The following PURA variants were observed in gnomAD, a reference collection of about 807,000 sequenced individuals.
PURA encodes the protein transcriptional activator protein Pur-alpha.
PURA carries 2 observed loss-of-function variants against 23.1 expected under a neutral mutation model. The ratio of observed to expected loss-of-function variants is 0.09; its 90% CI spans 0.04 to 0.27. PURA has a LOEUF of 0.27. PURA is among the 10% of genes least tolerant of loss of function. The pLI is 1.00. For synonymous variants in PURA, 254 were observed against 205.9 expected, an observed-to-expected ratio of 1.23 and a Z score of -2.00; for missense variants, 187 against 449.7, an observed-to-expected ratio of 0.42 and a Z score of 5.28.
Position 140,115,422 on chromosome 5 carries a change from A to C in PURA, c.*272A>C, listed in dbSNP as rs1938990144. ...CTGCTAAAAACAAAAAAAATACAAA[A>C]AGTAATAACATTATATGAACTGTGT... On this transcript the variant is annotated 3_prime_UTR_variant, in exon 1 of 1. Coordinates refer to ENST00000331327, the MANE Select transcript of PURA (RefSeq NM_005859.5). This position sits in a 1 kb window ranked among gnomAD's most constrained non-coding sequence, Gnocchi z 4.1. The C allele has an allele frequency of 7.7e-6, 2 of 258,566 alleles. No homozygotes were observed. Among genetic ancestry groups the C allele is most frequent in the Non-Finnish European group, 7.8e-6 (1 of 128,498 alleles). The allele number at this position is 258,566 out of a possible 1,614,324, so 16.0% of individuals were successfully genotyped here. A position where few individuals can be genotyped will look rare whatever the true frequency, so the allele number is the denominator to read the frequency against.
At position 140,114,724 on chromosome 5, in the gene PURA, C is replaced by A. The variant is rs555886273; in HGVS notation, c.543C>A (p.Gly181=). 6 of 1,612,812 alleles carry A rather than the reference C, an allele frequency of 3.7e-6. No homozygotes were observed. Among genetic ancestry groups the A allele is most frequent in the Non-Finnish European group, 4.2e-6 (5 of 1,179,688 alleles). The stretch of plus-strand genomic sequence containing the variant: ...CGGTCAACCGGGGGCCTGGCCTGGG[C>A]TCCACGCAGGGCCAGACCATTGCGC... ...RQTVNRGPGL[G]STQGQTIALP... The change falls in exon 1 of 1, where the codon GGC becomes GGA. Residue 181 remains glycine, a synonymous_variant. Coordinates refer to ENST00000331327, the MANE Select transcript of PURA (RefSeq NM_005859.5).
In PURA at chr5:140,116,430, A is replaced by G. The variant is rs180729389; in HGVS notation, c.*1280A>G. 1 of 167,226 alleles carries G rather than the reference A, an allele frequency of 6.0e-6. No individual in the cohort carries two copies. Among genetic ancestry groups the G allele is most frequent in the African/African-American group, 2.4e-5 (1 of 41,574 alleles). The allele number at this position is 167,226 out of a possible 1,614,324, so 10.4% of individuals were successfully genotyped here. Reference sequence around the variant, plus strand: ...TGGTGTATGTAAAGGATTTCCATGTAGCTGTGGTGCTAGTTATTACTGGCT... The same window carrying G: ...TGGTGTATGTAAAGGATTTCCATGTGGCTGTGGTGCTAGTTATTACTGGCT... On this transcript the variant is annotated 3_prime_UTR_variant, in exon 1 of 1. Coordinates refer to ENST00000331327, the MANE Select transcript of PURA (RefSeq NM_005859.5).
rs1226696697 is a variant in PURA, at chr5:140,119,619, G to A, written c.*4469G>A. 2 of 166,718 alleles carry A rather than the reference G, an allele frequency of 1.2e-5. No individual in the cohort carries two copies. The highest frequency in any genetic ancestry group is 4.8e-5 in the African/African-American group (2 of 41,412). The allele number at this position is 166,718 out of a possible 1,614,324, so 10.3% of individuals were successfully genotyped here. A position where few individuals can be genotyped will look rare whatever the true frequency, so the allele number is the denominator to read the frequency against. ...TTTGATATATTTTAAAAGATACTAT[G>A]TCAACTTTTTTCTTCCTATTTTCTT... On this transcript the variant is annotated 3_prime_UTR_variant, in exon 1 of 1. Transcript: ENST00000331327.
rs889600577 is a variant in PURA, at chr5:140,124,550, A to G, written c.*9400A>G. On this transcript the variant is annotated 3_prime_UTR_variant, in exon 1 of 1. Coordinates refer to ENST00000331327, the MANE Select transcript of PURA (RefSeq NM_005859.5). ...TTATGGCTTTGTTTTTACTTTGGGT[A>G]GAAGTTTAACTTCCATTGTTCAGAT... 3 of 167,064 alleles carry G rather than the reference A, an allele frequency of 1.8e-5. No individual in the cohort carries two copies. Among genetic ancestry groups the G allele is most frequent in the African/African-American group, 7.2e-5 (3 of 41,450 alleles). 10.3% of individuals were successfully genotyped at this position (167,064 alleles called of 1,614,324 possible). A position where few individuals can be genotyped will look rare whatever the true frequency, so the allele number is the denominator to read the frequency against.
In PURA at chr5:140,119,734, AAC is replaced by A. The variant is rs1202705960; in HGVS notation, c.*4588_*4589del. 1.8e-5 allele frequency: 3 copies of A among 166,692 alleles called. No individual in the cohort carries two copies. The highest frequency in any genetic ancestry group is 7.2e-5 in the African/African-American group (3 of 41,382). The allele number at this position is 166,692 out of a possible 1,614,324, so 10.3% of individuals were successfully genotyped here. A position where few individuals can be genotyped will look rare whatever the true frequency, so the allele number is the denominator to read the frequency against. ...GTTTTGGCCCTGTTCAAACTTTCTA[AAC>A]ACATTTTTCTTTTATGACATTTTGG... On this transcript the variant is annotated 3_prime_UTR_variant, in exon 1 of 1. Coordinates refer to ENST00000331327, the MANE Select transcript of PURA (RefSeq NM_005859.5).
rs1443961599 is a variant in PURA at position 140,115,202 on chromosome 5, C to G, written c.*52C>G. The G allele has an allele frequency of 2.0e-6, 2 of 992,650 alleles. No individual in the cohort carries two copies. Among genetic ancestry groups the G allele is most frequent in the South Asian group, 1.9e-5 (1 of 53,700 alleles). 61.5% of individuals were successfully genotyped at this position (992,650 alleles called of 1,614,324 possible). ...ACACACATGCATACACACACACACA[C>G]AGCCACACACACAGAAAATATACTG... On this transcript the variant is annotated 3_prime_UTR_variant, in exon 1 of 1. Transcript: ENST00000331327. The surrounding 1 kb of genome is among the most constrained non-coding windows in gnomAD (Gnocchi z 4.1).
rs756120970 is a variant in PURA, at chr5:140,114,547, G to A, written c.366G>A (p.Ala122=). Residue 122 remains alanine, a synonymous_variant, in exon 1 of 1, where the codon GCG becomes GCA. Transcript: ENST00000331327. ...DYLGDFIEHY[A]QLGPSQPPDL... ...TGGGCGACTTCATCGAGCACTACGC[G>A]CAGCTGGGCCCCAGCCAGCCGCCGG... The A allele has an allele frequency of 1.9e-6, 3 of 1,602,702 alleles. No individual in the cohort carries two copies. Among genetic ancestry groups the A allele is most frequent in the East Asian group, 2.2e-5 (1 of 44,520 alleles).
rs1489876825 is a variant in PURA at position 140,123,222 on chromosome 5, C to T, written c.*8072C>T. On this transcript the variant is annotated 3_prime_UTR_variant, in exon 1 of 1. Transcript: ENST00000331327. ...TTTAAAAAGAAGTGAATTCCCAAACCTGTGTCAAGAACTTGTGATTTAAAT... is the reference window on the plus strand; with the variant it reads ...TTTAAAAAGAAGTGAATTCCCAAACTTGTGTCAAGAACTTGTGATTTAAAT... The T allele has an allele frequency of 1.8e-5, 3 of 166,898 alleles. No homozygotes were observed. In the Admixed American group the frequency reaches 2.0e-4, roughly 11 times the overall value. 10.3% of individuals were successfully genotyped at this position (166,898 alleles called of 1,614,324 possible). A position where few individuals can be genotyped will look rare whatever the true frequency, so the allele number is the denominator to read the frequency against.
At position 140,117,724 on chromosome 5, in the gene PURA, G is replaced by A. The variant is rs922297973; in HGVS notation, c.*2574G>A. On this transcript the variant is annotated 3_prime_UTR_variant, in exon 1 of 1. Coordinates refer to ENST00000331327, the MANE Select transcript of PURA (RefSeq NM_005859.5). ...TTCAGATTCTGCTTGGAATCCCACC[G>A]GCTCAAGAAGCACATGTATTGTGCA... 2 of 165,394 alleles carry A rather than the reference G, an allele frequency of 1.2e-5. No homozygotes were observed. Among genetic ancestry groups the A allele is most frequent in the Non-Finnish European group, 1.5e-5 (1 of 68,058 alleles). The allele number at this position is 165,394 out of a possible 1,614,324, so 10.2% of individuals were successfully genotyped here. A position where few individuals can be genotyped will look rare whatever the true frequency, so the allele number is the denominator to read the frequency against.
In PURA at chr5:140,123,952, A is replaced by C. The variant is rs1052300418; in HGVS notation, c.*8802A>C. 6.0e-6 allele frequency: 1 copy of C among 166,970 alleles called. No homozygotes were observed. Among genetic ancestry groups the C allele is most frequent in the South Asian group, 2.1e-4 (1 of 4,834 alleles). 10.3% of individuals were successfully genotyped at this position (166,970 alleles called of 1,614,324 possible). On this transcript the variant is annotated 3_prime_UTR_variant, in exon 1 of 1. Coordinates refer to ENST00000331327, the MANE Select transcript of PURA (RefSeq NM_005859.5). ...GTCTAAGTGTTACAACTGGTTTTCA[A>C]GTTGTTATATTGAATATTCCTTTTT...
Position 140,114,247 on chromosome 5 carries a change from G to A in PURA, c.66G>A (p.Gly22=). The change falls in exon 1 of 1, where the codon GGG becomes GGA. Residue 22 remains glycine, a synonymous_variant. Coordinates refer to ENST00000331327, the MANE Select transcript of PURA (RefSeq NM_005859.5). ...CGCTGGGTTCGGGCGGCTCCCTGGG[G>A]CACCCCGGCTCGGGCTCAGGCTCCG... ...GAALGSGGSL[G]HPGSGSGSGG... 1 of 1,190,176 alleles carries A rather than the reference G, an allele frequency of 8.4e-7. No individual in the cohort carries two copies. Among genetic ancestry groups the A allele is most frequent in the East Asian group, 3.6e-5 (1 of 27,920 alleles). The allele number at this position is 1,190,176 out of a possible 1,614,324, so 73.7% of individuals were successfully genotyped here. A position where few individuals can be genotyped will look rare whatever the true frequency, so the allele number is the denominator to read the frequency against.
In PURA at chr5:140,114,588, A is replaced by C. The variant is rs772549246; in HGVS notation, c.407A>C (p.Gln136Pro). 4 of 1,603,044 alleles carry C rather than the reference A, an allele frequency of 2.5e-6. No individual in the cohort carries two copies. In the South Asian group the frequency reaches 3.3e-5, roughly 13 times the overall value. Reference sequence around the variant, plus strand: ...CAGCCGCCGGACCTGGCCCAGGCGCAGGACGAGCCGCGCCGGGCGCTCAAA... The same window carrying C: ...CAGCCGCCGGACCTGGCCCAGGCGCCGGACGAGCCGCGCCGGGCGCTCAAA... ...PSQPPDLAQA[Q>P]DEPRRALKSE... The change falls in exon 1 of 1, where the codon CAG becomes CCG. Residue 136 changes from glutamine (Q) to proline (P), a missense_variant. Transcript: ENST00000331327.
At position 140,115,169 on chromosome 5, in the gene PURA, CCACA is replaced by C. The variant is rs574050232; in HGVS notation, c.*30_*33del. ...AGATTGATCAAACTGAATGAAACCC[CCACA>C]CACACACACATGCATACACACACAC... On this transcript the variant is annotated 3_prime_UTR_variant, in exon 1 of 1. Coordinates refer to ENST00000331327, the MANE Select transcript of PURA (RefSeq NM_005859.5). This position sits in a 1 kb window ranked among gnomAD's most constrained non-coding sequence, Gnocchi z 4.1. 2.2e-6 allele frequency: 3 copies of C among 1,376,060 alleles called. No individual in the cohort carries two copies. The highest frequency in any genetic ancestry group is 1.5e-5 in the African/African-American group (1 of 68,424). 85.2% of individuals were successfully genotyped at this position (1,376,060 alleles called of 1,614,324 possible).
At position 140,115,141 on chromosome 5, in the gene PURA, A is replaced by G. The variant is rs1479609263; in HGVS notation, c.960A>G (p.Glu320=). Residue 320 remains glutamate (E), a synonymous_variant, in exon 1 of 1, where the codon GAA becomes GAG. Transcript: ENST00000331327. This position sits in a 1 kb window ranked among gnomAD's most constrained non-coding sequence, Gnocchi z 4.1. The stretch of plus-strand genomic sequence containing the variant: ...TACTGCAGGGTGAGGAAGAAGGGGA[A>G]GAAGATTGATCAAACTGAATGAAAC... ...TLLLQGEEEG[E]ED 11 of 1,545,494 alleles carry G rather than the reference A, an allele frequency of 7.1e-6. No homozygotes were observed. Among genetic ancestry groups the G allele is most frequent in the African/African-American group, 1.4e-5 (1 of 72,904 alleles).
rs1320245839 is a variant in PURA at position 140,119,143 on chromosome 5, CAGAA to C, written c.*3997_*4000del. 2.4e-5 allele frequency: 4 copies of C among 166,782 alleles called. No homozygotes were observed. The highest frequency in any genetic ancestry group is 6.5e-5 in the Admixed American group (1 of 15,274). The allele number at this position is 166,782 out of a possible 1,614,324, so 10.3% of individuals were successfully genotyped here. On this transcript the variant is annotated 3_prime_UTR_variant, in exon 1 of 1. Coordinates refer to ENST00000331327, the MANE Select transcript of PURA (RefSeq NM_005859.5). The stretch of plus-strand genomic sequence containing the variant: ...TATTAGTCTAAGTTTTGTATGCTAA[CAGAA>C]AGATATAATTTAGCTACCTATTCTA...
chr5:140,115,341 T>C lies in PURA; in HGVS notation c.*191T>C, dbSNP rs1169299402. The C allele has an allele frequency of 4.6e-6, 2 of 436,186 alleles. No individual in the cohort carries two copies. 27.0% of individuals were successfully genotyped at this position (436,186 alleles called of 1,614,324 possible). A position where few individuals can be genotyped will look rare whatever the true frequency, so the allele number is the denominator to read the frequency against. ...CCAACTGACAGTTTCTCTTCTTGAC[T>C]TGCCACCCATCGCTGGATGTTGTCC... On this transcript the variant is annotated 3_prime_UTR_variant, in exon 1 of 1. Coordinates refer to ENST00000331327, the MANE Select transcript of PURA (RefSeq NM_005859.5). The surrounding 1 kb of genome is among the most constrained non-coding windows in gnomAD (Gnocchi z 4.1).
In PURA at chr5:140,120,456, G is replaced by A. The variant is rs1007319214; in HGVS notation, c.*5306G>A. The A allele has an allele frequency of 3.0e-5, 5 of 166,718 alleles. No individual in the cohort carries two copies. The highest frequency in any genetic ancestry group is 1.2e-4 in the African/African-American group (5 of 41,416). The allele number at this position is 166,718 out of a possible 1,614,324, so 10.3% of individuals were successfully genotyped here. On this transcript the variant is annotated 3_prime_UTR_variant, in exon 1 of 1. Transcript: ENST00000331327. The stretch of plus-strand genomic sequence containing the variant: ...TTCATAAGTATGCTATAAAACTAAA[G>A]TGATCACTGCTATTCACGAATTATT...
chr5:140,114,557 C>T lies in PURA; in HGVS notation c.376C>T (p.Pro126Ser). 1 of 1,602,268 alleles carries T rather than the reference C, an allele frequency of 6.2e-7. No individual in the cohort carries two copies. Among genetic ancestry groups the T allele is most frequent in the Non-Finnish European group, 8.5e-7 (1 of 1,176,288 alleles). Residue 126 changes from proline (P) to serine (S), a missense_variant, in exon 1 of 1, where the codon CCC (proline) becomes TCC (serine). By Grantham distance (74) the Pro-to-Ser change is moderately conservative. Around this residue, in one of 9 missense-constraint regions of PURA, gnomAD observed 24 missense variants for 75.2 expected, o/e 0.32. Coordinates refer to ENST00000331327, the MANE Select transcript of PURA (RefSeq NM_005859.5). ...CATCGAGCACTACGCGCAGCTGGGC[C>T]CCAGCCAGCCGCCGGACCTGGCCCA... ...DFIEHYAQLG[P>S]SQPPDLAQAQ...
chr5:140,115,078 A>G lies in PURA; in HGVS notation c.897A>G (p.Gln299=), dbSNP rs1763056754. ...CCTGTGAGCAGCTTCACCAGCAGCA[A>G]CAGCAGCAGCAGGAGGAGACCGCCG... ...RAACEQLHQQ[Q]QQQQEETAAA... Residue 299 remains glutamine (Q), a synonymous_variant, in exon 1 of 1, where the codon CAA becomes CAG. Transcript: ENST00000331327. This position sits in a 1 kb window ranked among gnomAD's most constrained non-coding sequence, Gnocchi z 4.1. 3.1e-6 allele frequency: 5 copies of G among 1,613,422 alleles called. No individual in the cohort carries two copies. The highest frequency in any genetic ancestry group is 2.2e-5 in the East Asian group (1 of 44,874).
Sources: gnomAD v4.1 joint callset for allele counts on GRCh38, gnomAD v4.1.1 for gene constraint, gnomAD v4.1.1 regional missense constraint, Gnocchi (gnomAD v3.1) non-coding constraint, MANE v1.5 for transcripts, NCBI Gene and HGNC (gene_info 2026-07-23, HGNC 2026-07-21) for gene names.